ELP3: variants seen among roughly 807,000 people sequenced by gnomAD.
The protein encoded by ELP3 is elongator acetyltransferase complex subunit 3.
ELP3 carries 56 observed loss-of-function variants against 74.9 expected under a neutral mutation model. The observed-to-expected ratio is 0.75, with a 90% CI of 0.60 to 0.93. The LOEUF (loss-of-function observed/expected upper bound fraction) is 0.93. ELP3 is among the 40% of genes least tolerant of loss of function. The pLI is 0.00. For synonymous variants in ELP3, 222 were observed against 239.8 expected (o/e 0.93, Z 0.68); for missense variants, 573 against 686.5 (o/e 0.83, Z 1.85).
intron 13 of ELP3, 122 bp from the exon 14 acceptor site, chr8:28,161,875 G>C: frequency 1.2e-6 from 1 of 815,412 alleles, no homozygotes; most frequent in African/African-American, 1.7e-5. Flanking sequence ...CCCATAAGTG[G>C]GCTTTTTCAC....
At chr8:28,143,764 T>G (rs1813331067) in intron 10 of ELP3, among the ~76,000 whole-genome samples, 1 of 152,188 alleles carries the variant, frequency 6.6e-6, no homozygotes, top group East Asian at 1.9e-4. Context: ...AAGTAATCTC[T>G]TAGAGTAGTA....
chr8:28,180,553 T>TG (rs1814965599), intron 14 of ELP3, among the ~76,000 whole-genome samples: 2 of 152,262 alleles, frequency 1.3e-5, no homozygotes, highest in African/African-American at 4.8e-5. Flanking sequence ...ATGTCACATC[T>TG]GGAGTCTCTG....
At chr8:28,099,397 G>A (rs1437557766) in intron 2 of ELP3, among the ~76,000 whole-genome samples, 6 of 152,274 alleles carry the variant, frequency 3.9e-5, no homozygotes, top group African/African-American at 1.4e-4. Context: ...AAGACAAGAA[G>A]AAGGCTGGTA....
intron 10 of ELP3, among the ~76,000 whole-genome samples, chr8:28,146,683 A>G (rs1813445672): frequency 6.6e-6 from 1 of 152,210 alleles, no homozygotes; most frequent in Non-Finnish European, 1.5e-5. Context: ...TGCTTACTGC[A>G]GTACTCTGTC....
intron 3 of ELP3, among the ~76,000 whole-genome samples, chr8:28,101,912 T>A (rs1270633737): frequency 6.6e-6 from 1 of 152,156 alleles, no homozygotes; most frequent in Non-Finnish European, 1.5e-5. Flanking sequence ...TTAAGCATTA[T>A]GTGTGGGCTT....
At chr8:28,113,237 T>C in intron 7 of ELP3, 64 bp downstream of exon 7, 1 of 1,337,856 alleles carries the variant, frequency 7.5e-7, no homozygotes, top group Non-Finnish European at 1.0e-6. Context: ...CTAGCAGTAG[T>C]CTACGAGAAT....
At chr8:28,093,132 G>A (rs1185769949), upstream of ELP3, 4 of 1,583,724 alleles carry the variant, frequency 2.5e-6, no homozygotes, top group African/African-American at 2.7e-5. Context: ...AGGCGGGATT[G>A]TTTTGTGGCT....
intron 1 of ELP3, chr8:28,093,570 C>G (rs1225014330): frequency 2.6e-6 from 1 of 380,076 alleles, no homozygotes; most frequent in Non-Finnish European, 4.8e-6. Flanking sequence ...TGTTTCACGA[C>G]ACATTTGACG....
At position 28,185,948 on chromosome 8, in the gene ELP3, C is replaced by T. The variant is rs558982435; in HGVS notation, c.1568-3701C>T. 5.3e-5 allele frequency among the ~76,000 whole-genome samples: 8 copies of T among 152,316 alleles called. No individual in the cohort carries two copies. The South Asian group carries it at 1.4e-3, about 28-fold the overall frequency. ...GTGGCTTGACCTCATTTGTTTTTCT[C>T]TTCCTGTCCTCAAGCTTCCTTGTCA... On this transcript the variant is annotated intron_variant, in intron 14 of 14. Transcript: ENST00000256398.
chr8:28,119,614 A>G (rs1217234423), intron 7 of ELP3, among the ~76,000 whole-genome samples: 4 of 117,150 alleles, frequency 3.4e-5, no homozygotes, highest in African/African-American at 1.0e-4. Flanking sequence ...ATATATATAT[A>G]TATATATATA....
At chr8:28,146,300 T>G (rs17058631) in intron 10 of ELP3, among the ~76,000 whole-genome samples, 19,661 of 152,196 alleles carry the variant, frequency 0.13, 1,398 homozygotes, top group East Asian at 0.32. Context: ...AGCTGTCTGC[T>G]GATGTGATAT....
Position 28,189,785 on chromosome 8 carries a change from T to G in ELP3, c.*60T>G. 2.6e-6 allele frequency: 4 copies of G among 1,544,460 alleles called. No homozygotes were observed. In the Admixed American group the frequency reaches 6.7e-5, roughly 26 times the overall value. The stretch of plus-strand genomic sequence containing the variant: ...CCTGGCAGAACACGGAGAATCAGGA[T>G]TTCTTAAATACTCAACAGAGAGGCT... On this transcript the variant is annotated 3_prime_UTR_variant, in exon 15 of 15. Transcript: ENST00000256398.
At chr8:28,143,815 A>C (rs1813333518) in intron 10 of ELP3, among the ~76,000 whole-genome samples, 1 of 152,214 alleles carries the variant, frequency 6.6e-6, no homozygotes, top group African/African-American at 2.4e-5. Context: ...GGGTCTAAGC[A>C]TCTTTTCATT....
intron 8 of ELP3, among the ~76,000 whole-genome samples, chr8:28,130,129 G>A (rs1812734789): frequency 6.6e-6 from 1 of 152,208 alleles, no homozygotes; most frequent in South Asian, 2.1e-4. Flanking sequence ...AGAAAAGAAG[G>A]AAGTAAGAGT....
chr8:28,106,841 C>A, intron 4 of ELP3, 58 bp downstream of exon 4: 1 of 1,306,068 alleles, frequency 7.7e-7, no homozygotes, highest in Non-Finnish European at 1.1e-6. Flanking sequence ...AAATATGCCC[C>A]CTCTAGCCCT....
At chr8:28,128,963 G>A (rs1812687840) in intron 7 of ELP3, among the ~76,000 whole-genome samples, 1 of 152,184 alleles carries the variant, frequency 6.6e-6, no homozygotes, top group South Asian at 2.1e-4. Flanking sequence ...AAGATTAATA[G>A]ACTAGGTGAA....
chr8:28,092,306 T>A (rs1280912993), upstream of ELP3, among the ~76,000 whole-genome samples: 2 of 152,186 alleles, frequency 1.3e-5, no homozygotes, highest in African/African-American at 2.4e-5. Flanking sequence ...CTCCACTCAC[T>A]GCAACCTCCA....
intron 14 of ELP3, among the ~76,000 whole-genome samples, chr8:28,187,336 C>T (rs950650808): frequency 2.6e-5 from 4 of 152,288 alleles, no homozygotes; most frequent in South Asian, 2.1e-4. Context: ...AAATATTTAC[C>T]GTGTACCTCA....
chr8:28,116,086 G>A (rs1363635785), intron 7 of ELP3, among the ~76,000 whole-genome samples: 1 of 152,156 alleles, frequency 6.6e-6, no homozygotes, highest in African/African-American at 2.4e-5. Flanking sequence ...TGAACAGTTA[G>A]CTAATGACCT....
Sources: allele counts gnomAD v4.1 joint callset (sites outside exome capture counted in the v4.1 genomes callset), GRCh38; gene constraint gnomAD v4.1.1; transcripts MANE v1.5; gene names NCBI Gene and HGNC (gene_info 2026-07-23, HGNC 2026-07-21).